The following NCALD variants were observed in gnomAD, a reference collection of about 807,000 sequenced individuals.
NCALD encodes neurocalcin delta.
Under a neutral mutation model 18.6 loss-of-function variants are expected in NCALD, and 10 were observed. The ratio of observed to expected loss-of-function variants is 0.54; its 90% CI spans 0.33 to 0.91. The LOEUF (loss-of-function observed/expected upper bound fraction) is 0.91. Ranked by LOEUF, NCALD falls within the 40% of genes least tolerant of loss-of-function variation. NCALD has a pLI of 0.03. For missense variants in NCALD, 184 were observed against 247.6 expected (o/e 0.74, Z 1.72); for synonymous variants, 88 against 87.4 (o/e 1.01, Z -0.04).
chr8:101,733,556 A>T (rs940154222), intron 1 of NCALD, among the ~76,000 whole-genome samples: 2 of 152,180 alleles, frequency 1.3e-5, no homozygotes, highest in African/African-American at 4.8e-5. Flanking sequence ...GGCATCTAGC[A>T]GGTGCTCGCT....
At chr8:101,903,416 C>T (rs562463042) in intron 3 of NCALD, among the ~76,000 whole-genome samples, 11 of 152,056 alleles carry the variant, frequency 7.2e-5, no homozygotes, top group South Asian at 2.1e-4. Context: ...AGGATGGTCT[C>T]GATGTCTTGA....
chr8:101,715,003 C>CAAAAAAAAAAAAAAA (rs1297532566), intron 2 of NCALD, among the ~76,000 whole-genome samples: 2 of 103,228 alleles, frequency 1.9e-5, no homozygotes, highest in African/African-American at 8.5e-5. Flanking sequence ...GACTCCGTCT[C>CAAAAAAAAAAAAAAA]AAAAAAAAAA....
intron 2 of NCALD, among the ~76,000 whole-genome samples, chr8:101,961,110 G>A (rs771190794): frequency 7.9e-5 from 12 of 152,166 alleles, no homozygotes; most frequent in Admixed American, 2.0e-4. Context: ...CTAGTACCTC[G>A]GACAGTGGCT....
At chr8:101,721,623 G>C (rs1161936192) in intron 1 of NCALD, among the ~76,000 whole-genome samples, 1 of 152,122 alleles carries the variant, frequency 6.6e-6, no homozygotes, top group Non-Finnish European at 1.5e-5. Flanking sequence ...ACGGGGTGGT[G>C]TTTGTATCTC....
chr8:101,717,018 C>A (rs1816119012), intron 2 of NCALD, among the ~76,000 whole-genome samples: 1 of 152,158 alleles, frequency 6.6e-6, no homozygotes, highest in Non-Finnish European at 1.5e-5. Context: ...TTAATTTTAG[C>A]CCAATGAAAC....
At chr8:101,839,844 G>A (rs1473409916) in intron 4 of NCALD, among the ~76,000 whole-genome samples, 1 of 152,002 alleles carries the variant, frequency 6.6e-6, no homozygotes, top group Non-Finnish European at 1.5e-5. Context: ...GAAGCTGTCT[G>A]GGAAGCATGT....
At chr8:101,692,766 A>C in intron 3 of NCALD, 25 bp downstream of exon 3, 1 of 1,588,294 alleles carries the variant, frequency 6.3e-7, no homozygotes, top group Non-Finnish European at 8.6e-7. Context: ...CATCTGAGCA[A>C]AGCAGTGTAG....
intron 2 of NCALD, among the ~76,000 whole-genome samples, chr8:101,999,073 C>CTTA (rs1821344987): frequency 1.3e-5 from 1 of 79,372 alleles, no homozygotes; most frequent in African/African-American, 4.8e-5. Flanking sequence ...CACTCACCAT[C>CTTA]AAAAAAAAAA....
intron 2 of NCALD, among the ~76,000 whole-genome samples, chr8:101,947,691 T>C (rs1479664979): frequency 6.6e-6 from 1 of 152,342 alleles, no homozygotes; most frequent in South Asian, 2.1e-4. Flanking sequence ...TCTCTTTTAA[T>C]TCCATTTTTC....
intron 2 of NCALD, among the ~76,000 whole-genome samples, chr8:102,006,245 G>A (rs1343769567): frequency 1.3e-5 from 2 of 151,640 alleles, no homozygotes; most frequent in Non-Finnish European, 2.9e-5. Flanking sequence ...GATATTTGTT[G>A]AATTTGCAAC....
intron 4 of NCALD, among the ~76,000 whole-genome samples, chr8:101,818,250 AT>A (rs1813579010): frequency 6.6e-6 from 1 of 152,198 alleles, no homozygotes; most frequent in Non-Finnish European, 1.5e-5. Flanking sequence ...AAAGAAAAAA[AT>A]AAACACTGTT....
intron 2 of NCALD, among the ~76,000 whole-genome samples, chr8:101,701,637 A>G (rs189899398): frequency 1.2e-4 from 18 of 152,366 alleles, no homozygotes; most frequent in African/African-American, 4.3e-4. Context: ...TCAGGTCTGC[A>G]TTGATCAAGG....
chr8:101,973,313 G>A (rs1195299296), intron 2 of NCALD, among the ~76,000 whole-genome samples: 1 of 152,018 alleles, frequency 6.6e-6, no homozygotes, highest in East Asian at 1.9e-4. Flanking sequence ...CCTCGCTTTT[G>A]ATGACCTTGA....
chr8:102,067,516 T>C lies in NCALD; in HGVS notation c.-209-47227A>G, dbSNP rs77350798. Reference sequence around the variant, plus strand: ...CCTTGACATAATTTTAGCAAGGACTTTCCAGGAAGAGAATCTAGTAAAGCA... The same window carrying C: ...CCTTGACATAATTTTAGCAAGGACTCTCCAGGAAGAGAATCTAGTAAAGCA... On this transcript the variant is annotated intron_variant, in intron 1 of 6. Transcript: ENST00000311028. Among the ~76,000 whole-genome samples the C allele has an allele frequency of 5.1e-3, 777 of 152,248 alleles. 20 individuals are homozygous for C. The highest frequency in any genetic ancestry group is 0.038 in the Admixed American group (579 of 15,292).
At chr8:101,823,842 C>T (rs931641443) in intron 4 of NCALD, among the ~76,000 whole-genome samples, 2 of 152,174 alleles carry the variant, frequency 1.3e-5, no homozygotes. Flanking sequence ...GGAATGCCAA[C>T]TGAGTCAACT....
intron 2 of NCALD, among the ~76,000 whole-genome samples, chr8:101,922,942 A>G (rs114746675): frequency 0.012 from 1,785 of 152,248 alleles, 21 homozygotes; most frequent in Middle Eastern, 0.037. Context: ...CTCTCTCAAA[A>G]TATCTTATTG....
intron 1 of NCALD, among the ~76,000 whole-genome samples, chr8:101,728,616 C>T (rs955654469): frequency 2.6e-5 from 4 of 152,046 alleles, no homozygotes; most frequent in African/African-American, 7.2e-5. Context: ...GTCAGAAGAT[C>T]GAGACCATCC....
chr8:101,767,507 G>A (rs1039289886), intron 1 of NCALD, among the ~76,000 whole-genome samples: 4 of 152,178 alleles, frequency 2.6e-5, no homozygotes, highest in East Asian at 1.9e-4. Flanking sequence ...GAGTAAGCAA[G>A]CAAATGATGA....
At position 102,071,324 on chromosome 8, in the gene NCALD, G is replaced by A. The variant is rs559875635; in HGVS notation, c.-209-51035C>T. On this transcript the variant is annotated intron_variant, in intron 1 of 6. Coordinates refer to the NCALD transcript ENST00000311028. ...TCCTTTTTCTTGGTATTGGTTCACT[G>A]ATCATATACAATAGCAAATTAAGGC... 2.6e-5 allele frequency among the ~76,000 whole-genome samples: 4 copies of A among 152,102 alleles called. No individual in the cohort carries two copies. In the East Asian group the frequency reaches 7.7e-4, roughly 29 times the overall value.
Sources: allele counts gnomAD v4.1 joint callset (sites outside exome capture counted in the v4.1 genomes callset), GRCh38; gene constraint gnomAD v4.1.1; transcripts MANE v1.5; gene names NCBI Gene and HGNC (gene_info 2026-07-23, HGNC 2026-07-21).